The following APOB variants were observed in gnomAD, a reference collection of about 807,000 sequenced individuals.
APOB encodes apolipoprotein B, also known as apolipoprotein B-100.
APOB carries 153 observed loss-of-function variants against 314.1 expected under a neutral mutation model. That is an observed-to-expected ratio of 0.49 (90% CI 0.43 to 0.56). The LOEUF (loss-of-function observed/expected upper bound fraction) is 0.56, where lower values mean the gene tolerates loss of function less well. Among genes scored for constraint, APOB ranks in the 20% least tolerant of loss-of-function variants. APOB has a pLI of 0.00. For synonymous variants in APOB, 2,087 were observed against 2,036.4 expected (o/e 1.02, Z -0.67); for missense variants, 5,430 against 5,350.7 (o/e 1.01, Z -0.46).
At position 21,007,929 on chromosome 2, in the gene APOB, G is replaced by C; in HGVS notation, c.8939C>G (p.Ser2980Cys). Residue 2980 changes from serine to cysteine, a missense_variant, in exon 26 of 29, where the codon TCC (serine) becomes TGC (cysteine). By Grantham distance (112) the Ser-to-Cys change is moderately radical. This residue lies in a region of APOB where 3,281 missense variants were observed against 3,171.0 expected (regional missense o/e 1.03). Coordinates refer to ENST00000233242, the MANE Select transcript of APOB (RefSeq NM_000384.3). Reference protein sequence around the residue: ...VNQNLVYESGSLNFSKLEIQS... With the variant: ...VNQNLVYESGCLNFSKLEIQS... ...AATTTCAAGTTTAGAAAAGTTGAGG[G>C]AGCCAGATTCATAAACCAAGTTTTG... is the stretch of plus-strand genomic sequence containing the variant. 1 of 1,614,062 alleles carries C rather than the reference G, an allele frequency of 6.2e-7. No individual in the cohort carries two copies. Among genetic ancestry groups the C allele is most frequent in the East Asian group, 2.2e-5 (1 of 44,874 alleles).
rs770497803 is a variant in APOB at position 21,009,137 on chromosome 2, C to T, written c.7731G>A (p.Met2577Ile). Residue 2577 changes from methionine to isoleucine, a missense_variant, in exon 26 of 29, where the codon ATG becomes ATA. By Grantham distance (10) the Met-to-Ile change is conservative. Transcript: ENST00000233242. Reference sequence around the variant, plus strand: ...TGAACCCTTGCTCTACCAATGCTTTCATACGTTTAGCCCAATCTTGGATAG... The same window carrying T: ...TGAACCCTTGCTCTACCAATGCTTTTATACGTTTAGCCCAATCTTGGATAG... The part of the protein sequence containing the change: ...QYSIQDWAKR[M>I]KALVEQGFTV... 6.2e-7 allele frequency: 1 copy of T among 1,614,048 alleles called. No individual in the cohort carries two copies. The highest frequency in any genetic ancestry group is 1.3e-5 in the African/African-American group (1 of 75,014).
At position 21,026,835 on chromosome 2, in the gene APOB, C is replaced by A; in HGVS notation, c.2197G>T (p.Val733Phe). 3.7e-6 allele frequency: 6 copies of A among 1,614,066 alleles called. No homozygotes were observed. The highest frequency in any genetic ancestry group is 5.1e-6 in the Non-Finnish European group (6 of 1,179,946). Residue 733 changes from valine to phenylalanine, a missense_variant, in exon 15 of 29, where the codon GTC (valine) becomes TTC (phenylalanine). Around this residue, in one of 3 missense-constraint regions of APOB, gnomAD observed 2,085 missense variants for 2,079.7 expected, o/e 1.00. Coordinates refer to ENST00000233242, the MANE Select transcript of APOB (RefSeq NM_000384.3). ...NGQVPDGVSKVLVDHFGYTKD... is the reference protein window; with the variant it reads ...NGQVPDGVSKFLVDHFGYTKD... ...GTATAGCCAAAGTGGTCCACTAAGA[C>A]CTTAGAGACACCATCAGGAACTTGA... is the stretch of plus-strand genomic sequence containing the variant.
chr2:21,016,986 A>AAAATAAAT (rs60811793), intron 20 of APOB, among the ~76,000 whole-genome samples: 9 of 120,268 alleles, frequency 7.5e-5, no homozygotes, highest in Admixed American at 6.5e-4. Flanking sequence ...TCCATCTCAA[A>AAAATAAAT]AAATAAATAA....
rs377330775 is a variant in APOB, at chr2:21,023,600, T to C, written c.2529A>G (p.Gly843=). ...CAGATGAAGATATTTGCAACTGTAA[T>C]CCAGCTCCAGTGGGGAGTTCAAAGG... The part of the protein sequence containing the change: ...ENAFELPTGA[G]LQLQISSSGV... The change falls in exon 17 of 29, where the codon GGA becomes GGG. Residue 843 remains glycine (G), a synonymous_variant. Transcript: ENST00000233242. 5.6e-6 allele frequency: 9 copies of C among 1,614,088 alleles called. No individual in the cohort carries two copies. Among genetic ancestry groups the C allele is most frequent in the Non-Finnish European group, 7.6e-6 (9 of 1,180,044 alleles).
intron 10 of APOB, among the ~76,000 whole-genome samples, chr2:21,031,732 C>T (rs777969807): frequency 3.8e-4 from 58 of 152,138 alleles, no homozygotes; most frequent in Admixed American, 2.6e-3. Context: ...CACCTGTGGT[C>T]CCAGCTACTC....
In APOB at chr2:21,005,934, T is replaced by G; in HGVS notation, c.10934A>C (p.Gln3645Pro). 3.7e-6 allele frequency: 6 copies of G among 1,613,938 alleles called. No homozygotes were observed. The highest frequency in any genetic ancestry group is 5.1e-6 in the Non-Finnish European group (6 of 1,179,942). ...GTCATTGGAAAGCTCGACCTGGCTC[T>G]GGAAAGACCCAGAATGAATCCGGAC... ...NEVRIHSGSFQSQVELSNDQE... is the reference protein window; with the variant it reads ...NEVRIHSGSFPSQVELSNDQE... The change falls in exon 26 of 29, where the codon CAG (glutamine) becomes CCG (proline). Residue 3645 changes from glutamine (Q) to proline (P), a missense_variant. This residue lies in a region of APOB where 3,281 missense variants were observed against 3,171.0 expected (regional missense o/e 1.03). Coordinates refer to ENST00000233242, the MANE Select transcript of APOB (RefSeq NM_000384.3).
In APOB at chr2:21,007,261, A is replaced by G. The variant is rs2103352801; in HGVS notation, c.9607T>C (p.Ser3203Pro). 6.2e-7 allele frequency: 1 copy of G among 1,613,426 alleles called. No homozygotes were observed. The highest frequency in any genetic ancestry group is 8.5e-7 in the Non-Finnish European group (1 of 1,179,654). Residue 3203 changes from serine (S) to proline (P), a missense_variant, in exon 26 of 29, where the codon TCC becomes CCC. Physicochemically the swap from Ser to Pro is moderately conservative, Grantham distance 74. Around this residue, in one of 3 missense-constraint regions of APOB, gnomAD observed 3,281 missense variants for 3,171.0 expected, o/e 1.03. Coordinates refer to ENST00000233242, the MANE Select transcript of APOB (RefSeq NM_000384.3). ...LCEFISQSIK[S>P]FDRHFEKNRN... ...TTTTTTTCAAAATGCCTGTCAAAGG[A>G]TTTGATGCTCTGACTGATAAACTCA...
intron 16 of APOB, 131 bp downstream of exon 16, chr2:21,024,802 A>C (rs996446429): frequency 2.1e-6 from 2 of 948,030 alleles, no homozygotes; most frequent in Non-Finnish European, 3.5e-6. Flanking sequence ...ATTCAAGGCA[A>C]ACCTCCATCT....
chr2:21,035,468 ATCCCTCTCCAT>A (rs764458180), intron 7 of APOB, 105 bp downstream of exon 7: 7 of 1,386,178 alleles, frequency 5.0e-6, no homozygotes, highest in Non-Finnish European at 7.1e-6. Flanking sequence ...GCGGCATTTT[ATCCCTCTCCAT>A]TCCTCCCTCC....
intron 20 of APOB, 88 bp from the exon 21 acceptor site, chr2:21,016,737 C>T: frequency 2.3e-6 from 2 of 866,430 alleles, no homozygotes; most frequent in Non-Finnish European, 4.0e-6. Flanking sequence ...GTAATCCCAG[C>T]ACTTTGGGAG....
chr2:21,020,111 T>C (rs927839380), intron 18 of APOB, among the ~76,000 whole-genome samples: 3 of 152,314 alleles, frequency 2.0e-5, no homozygotes. Context: ...AGCTTCTGGC[T>C]GAGTTCTTTC....
intron 10 of APOB, among the ~76,000 whole-genome samples, chr2:21,030,492 A>C (rs1663846086): frequency 6.6e-6 from 1 of 152,250 alleles, no homozygotes; most frequent in Non-Finnish European, 1.5e-5. Flanking sequence ...CTGAGACTAT[A>C]AAAATGCAAG....
In APOB at chr2:21,027,901, T is replaced by C. The variant is rs748622393; in HGVS notation, c.1994A>G (p.Asn665Ser). Reference sequence around the variant, plus strand: ...CAGCATGCTTTCTTTAGGAAGGTAGTTATTTGGATCAAATATAAGATTCCC... The same window carrying C: ...CAGCATGCTTTCTTTAGGAAGGTAGCTATTTGGATCAAATATAAGATTCCC... ...IEGNLIFDPNNYLPKESMLKT... is the reference protein window; with the variant it reads ...IEGNLIFDPNSYLPKESMLKT... The change falls in exon 14 of 29, where the codon AAC becomes AGC. Residue 665 changes from asparagine (N) to serine (S), a missense_variant. By Grantham distance (46) the Asn-to-Ser change is conservative. Coordinates refer to ENST00000233242, the MANE Select transcript of APOB (RefSeq NM_000384.3). The C allele has an allele frequency of 6.2e-7, 1 of 1,614,210 alleles. No homozygotes were observed. Among genetic ancestry groups the C allele is most frequent in the South Asian group, 1.1e-5 (1 of 91,078 alleles).
At chr2:21,004,164 T>C in intron 28 of APOB, 105 bp downstream of exon 28, 1 of 1,246,166 alleles carries the variant, frequency 8.0e-7, no homozygotes, top group East Asian at 2.4e-5. Context: ...CGCCTGTCTT[T>C]CACCTAGTTT....
chr2:21,001,783 C>T lies in APOB; in HGVS notation c.13639G>A (p.Val4547Ile). 6.2e-7 allele frequency: 1 copy of T among 1,613,976 alleles called. No individual in the cohort carries two copies. The highest frequency in any genetic ancestry group is 8.5e-7 in the Non-Finnish European group (1 of 1,179,944). Residue 4547 changes from valine (V) to isoleucine (I), a missense_variant, in exon 29 of 29, where the codon GTC becomes ATC. Physicochemically the swap from Val to Ile is conservative, Grantham distance 29 (BLOSUM62 3). Transcript: ENST00000233242. ...GCAAGCTTCATGTAGGGGTTCATGA[C>T]TGTGGTTGATTGCAGCTTTTTCAGT... is the stretch of plus-strand genomic sequence containing the variant. ...ELLKKLQSTT[V>I]MNPYMKLAPG...
rs12720762 is a variant in APOB at position 21,043,787 on chromosome 2, C to G, written c.82+77G>C. 8.7e-4 allele frequency: 1,317 copies of G among 1,519,376 alleles called. 12 individuals carry two copies. The African/African-American group carries it at 0.016, about 18-fold the overall frequency. The allele number at this position is 1,519,376 out of a possible 1,614,324, so 94.1% of individuals were successfully genotyped here. Reference sequence around the variant, plus strand: ...TGGCTGCCCTCCCTCTGGCCTAGGCCCAGGCTGCCCCGGCCAACCTCGTGC... The same window carrying G: ...TGGCTGCCCTCCCTCTGGCCTAGGCGCAGGCTGCCCCGGCCAACCTCGTGC... On this transcript the variant is annotated intron_variant, in intron 1 of 28. Transcript: ENST00000233242.
chr2:21,006,623 G>A lies in APOB; in HGVS notation c.10245C>T (p.Ser3415=), dbSNP rs1396803911. ...ACACTTCCATATTTTTCGTGGTTAA[G>A]CTCACAGTACTGTTATGACTACCCT... ...FVEGSHNSTV[S]LTTKNMEVSV... is the part of the protein sequence containing the mutation. Residue 3415 remains serine (S), a synonymous_variant, in exon 26 of 29, where the codon AGC becomes AGT. Transcript: ENST00000233242. 1 of 1,614,052 alleles carries A rather than the reference G, an allele frequency of 6.2e-7. No individual in the cohort carries two copies. The highest frequency in any genetic ancestry group is 1.7e-5 in the Admixed American group (1 of 60,018).
At chr2:21,028,759 A>G (rs1460338199) in intron 12 of APOB, among the ~76,000 whole-genome samples, 4 of 152,232 alleles carry the variant, frequency 2.6e-5, no homozygotes, top group Non-Finnish European at 5.9e-5. Context: ...GTTGAATTCA[A>G]TTCCATTAAA....
Position 21,016,639 on chromosome 2 carries a change from C to T in APOB, c.3132G>A (p.Gln1044=), listed in dbSNP as rs751704488. ...KFVTQAEGAK[Q]TEATMTFKYN... The stretch of plus-strand genomic sequence containing the variant: ...ATTTGAATGTCATGGTAGCCTCAGT[C>T]TGCTTCGCACCTGGACGAGTGTATA... Residue 1044 remains glutamine (Q), a synonymous_variant, in exon 21 of 29, where the codon CAG becomes CAA. Coordinates refer to ENST00000233242, the MANE Select transcript of APOB (RefSeq NM_000384.3). The T allele has an allele frequency of 1.2e-6, 2 of 1,600,406 alleles. No individual in the cohort carries two copies. Among genetic ancestry groups the T allele is most frequent in the East Asian group, 4.5e-5 (2 of 44,814 alleles).
Sources: gnomAD v4.1 joint callset for allele counts (sites outside exome capture counted in the v4.1 genomes callset) on GRCh38, gnomAD v4.1.1 for gene constraint, gnomAD v4.1.1 regional missense constraint, MANE v1.5 for transcripts, NCBI Gene and HGNC (gene_info 2026-07-23, HGNC 2026-07-21) for gene names.